The following CHCHD4 variants were observed in gnomAD, a reference collection of about 807,000 sequenced individuals.
CHCHD4 encodes the protein coiled-coil-helix-coiled-coil-helix domain containing 4.
CHCHD4 carries 7 observed loss-of-function variants against 12.4 expected under a neutral mutation model. The ratio of observed to expected loss-of-function variants is 0.57; its 90% CI spans 0.32 to 1.06. The LOEUF (loss-of-function observed/expected upper bound fraction) is 1.06. Among genes scored for constraint, CHCHD4 ranks in the 50% least tolerant of loss-of-function variants. The pLI, the probability that CHCHD4 is intolerant of heterozygous loss-of-function variation, is 0.04. For synonymous variants in CHCHD4, 56 were observed against 58.0 expected, an observed-to-expected ratio of 0.97 and a Z score of 0.16; for missense variants, 143 against 175.1, an observed-to-expected ratio of 0.82 and a Z score of 1.03.
At position 14,116,476 on chromosome 3, in the gene CHCHD4, C is replaced by T. The variant is rs778231957; in HGVS notation, c.71G>A (p.Ser24Asn). 10 of 1,613,814 alleles carry T rather than the reference C, an allele frequency of 6.2e-6. No individual in the cohort carries two copies. The highest frequency in any genetic ancestry group is 1.1e-5 in the South Asian group (1 of 91,082). Reference protein sequence around the residue: ...FVTKEDHETPSSAELVADDPN... With the variant: ...FVTKEDHETPNSAELVADDPN... ...GTCATCAGCCACCAATTCTGCACTGCTTGGAGTTTCATGATCTTCTTTGGT... is the reference window on the plus strand; with the variant it reads ...GTCATCAGCCACCAATTCTGCACTGTTTGGAGTTTCATGATCTTCTTTGGT... Residue 24 changes from serine to asparagine, a missense_variant, in exon 2 of 3, where the codon AGC (serine) becomes AAC (asparagine). Physicochemically the swap from Ser to Asn is conservative, Grantham distance 46. Coordinates refer to ENST00000396914, the MANE Select transcript of CHCHD4 (RefSeq NM_001098502.2).
At chr3:14,121,694 T>G (rs980134942) in intron 1 of CHCHD4, among the ~76,000 whole-genome samples, 1 of 152,186 alleles carries the variant, frequency 6.6e-6, no homozygotes, top group Non-Finnish European at 1.5e-5. Context: ...AAGAAAGAGA[T>G]CTAAAGCCAG....
chr3:14,124,526 G>C (rs555683287), intron 1 of CHCHD4, 129 bp downstream of exon 1: 1 of 695,488 alleles, frequency 1.4e-6, no homozygotes, highest in African/African-American at 1.9e-5. Context: ...CCGCCTCCGA[G>C]TGTCCCAGGG....
Position 14,116,519 on chromosome 3 carries a change from C to T in CHCHD4, c.28G>A (p.Asp10Asn). 1 of 1,606,916 alleles carries T rather than the reference C, an allele frequency of 6.2e-7. No homozygotes were observed. Among genetic ancestry groups the T allele is most frequent in the Non-Finnish European group, 8.5e-7 (1 of 1,173,368 alleles). Residue 10 changes from aspartate (D) to asparagine (N), a missense_variant, in exon 2 of 3, where the codon GAT (aspartate) becomes AAT (asparagine). Transcript: ENST00000396914. MSYCRQEGK[D>N]RIIFVTKEDH... ...TCTTTGGTTACAAATATGATTCGAT[C>T]CTTCCCTAGTGTTTGGAGAACAGAG...
chr3:14,124,409 C>A (rs1330335615), intron 1 of CHCHD4, among the ~76,000 whole-genome samples: 2 of 152,242 alleles, frequency 1.3e-5, no homozygotes, highest in African/African-American at 4.8e-5. Context: ...GCACAGGCCC[C>A]TCTGAGGTCA....
chr3:14,118,385 A>C (rs1465445057), intron 1 of CHCHD4, among the ~76,000 whole-genome samples: 2 of 152,216 alleles, frequency 1.3e-5, no homozygotes, highest in East Asian at 3.9e-4. Flanking sequence ...GCAAGGAAAA[A>C]GGTTTGGGCC....
At position 14,124,591 on chromosome 3, in the gene CHCHD4, C is replaced by T. The variant is rs151198621; in HGVS notation, c.22+64G>A. The T allele has an allele frequency of 5.5e-3, 7,730 of 1,415,814 alleles. 440 individuals are homozygous for T. The African/African-American group carries it at 0.11, about 19-fold the overall frequency. 87.7% of individuals were successfully genotyped at this position (1,415,814 alleles called of 1,614,324 possible). A position where few individuals can be genotyped will look rare whatever the true frequency, so the allele number is the denominator to read the frequency against. Reference sequence around the variant, plus strand: ...CGCGCCCGGCGTGGTCGCGGGGCGCCGGGGCCCGCGTGTCTCCCGCAGGCC... The same window carrying T: ...CGCGCCCGGCGTGGTCGCGGGGCGCTGGGGCCCGCGTGTCTCCCGCAGGCC... On this transcript the variant is annotated intron_variant, in intron 1 of 2. Coordinates refer to ENST00000396914, the MANE Select transcript of CHCHD4 (RefSeq NM_001098502.2).
intron 2 of CHCHD4, 42 bp downstream of exon 2, chr3:14,116,384 A>C (rs1355502545): frequency 7.7e-7 from 1 of 1,291,770 alleles, no homozygotes; most frequent in Non-Finnish European, 1.1e-6. Context: ...GCTTCTCCCC[A>C]GTGCCCTGGT....
Position 14,124,726 on chromosome 3 carries a change from G to T in CHCHD4, c.-50C>A. 2 of 1,503,528 alleles carry T rather than the reference G, an allele frequency of 1.3e-6. No individual in the cohort carries two copies. Among genetic ancestry groups the T allele is most frequent in the Non-Finnish European group, 1.8e-6 (2 of 1,126,770 alleles). The allele number at this position is 1,503,528 out of a possible 1,614,324, so 93.1% of individuals were successfully genotyped here. ...TGCAGAAGCGGCGGTGGCGGCAGCT[G>T]CACCTTTACGCCGTGACCTCCCTCT... On this transcript the variant is annotated 5_prime_UTR_variant, in exon 1 of 3. Transcript: ENST00000396914.
chr3:14,120,756 G>A lies in CHCHD4; in HGVS notation c.22+3899C>T, dbSNP rs1056619271. On this transcript the variant is annotated intron_variant, in intron 1 of 2. Transcript: ENST00000396914. ...GTGTTCAATATTTGTTGAAAAAAAT[G>A]AATGGAGAAACAACTCTGGATTAGG... Among the ~76,000 whole-genome samples, 19 of 152,176 alleles carry A rather than the reference G, an allele frequency of 1.2e-4. 1 individual carries two copies. Among genetic ancestry groups the A allele is most frequent in the Admixed American group, 9.2e-4 (14 of 15,280 alleles).
Position 14,112,213 on chromosome 3 carries a change from T to C in CHCHD4, c.*674A>G, listed in dbSNP as rs548367077. 8.5e-5 allele frequency: 13 copies of C among 152,204 alleles called. No homozygotes were observed. Among genetic ancestry groups the C allele is most frequent in the Non-Finnish European group, 1.8e-4 (12 of 68,046 alleles). The allele number at this position is 152,204 out of a possible 1,614,324, so 9.4% of individuals were successfully genotyped here. ...ACTAGACTGAGAGCCAGTGTGAACATGGGCCCCAAACCAGGGCTTTCGGAA... is the reference window on the plus strand; with the variant it reads ...ACTAGACTGAGAGCCAGTGTGAACACGGGCCCCAAACCAGGGCTTTCGGAA... On this transcript the variant is annotated 3_prime_UTR_variant, in exon 3 of 3. Transcript: ENST00000396914.
rs149085188 is a variant in CHCHD4, at chr3:14,117,824, T to C, written c.23-1300A>G. 3.9e-3 allele frequency among the ~76,000 whole-genome samples: 591 copies of C among 152,306 alleles called. 4 individuals carry two copies. Among genetic ancestry groups the C allele is most frequent in the African/African-American group, 0.014 (564 of 41,568 alleles). The stretch of plus-strand genomic sequence containing the variant: ...ACTTGCTGGGCCACACAGGACAGGA[T>C]GCTCTGAAGTCTACACTGTTGGAGA... On this transcript the variant is annotated intron_variant, in intron 1 of 2. Coordinates refer to ENST00000396914, the MANE Select transcript of CHCHD4 (RefSeq NM_001098502.2).
At chr3:14,115,258 C>G (rs1307658418) in intron 2 of CHCHD4, among the ~76,000 whole-genome samples, 3 of 149,626 alleles carry the variant, frequency 2.0e-5, no homozygotes, top group African/African-American at 7.7e-5. Flanking sequence ...TTGCAAGTGA[C>G]AGAAGCAGGT....
At chr3:14,115,386 T>G (rs1447430920) in intron 2 of CHCHD4, among the ~76,000 whole-genome samples, 2 of 152,232 alleles carry the variant, frequency 1.3e-5, no homozygotes, top group African/African-American at 2.4e-5. Flanking sequence ...AGGCCCGATT[T>G]GTCCTGCAGG....
At chr3:14,114,661 TA>T in intron 2 of CHCHD4, among the ~76,000 whole-genome samples, 1 of 152,184 alleles carries the variant, frequency 6.6e-6, no homozygotes, top group East Asian at 1.9e-4. Flanking sequence ...GGTGGTTGAT[TA>T]AAAAAAATCA....
Position 14,112,537 on chromosome 3 carries a change from T to G in CHCHD4, c.*350A>C, listed in dbSNP as rs573372356. ...GGTATAAAATCTACCAAAAGGAATA[T>G]AATGAATCAGAATAAATCAGCTCAC... is the stretch of plus-strand genomic sequence containing the variant. On this transcript the variant is annotated 3_prime_UTR_variant, in exon 3 of 3. Transcript: ENST00000396914. 5.1e-6 allele frequency: 1 copy of G among 197,106 alleles called. No homozygotes were observed. Among genetic ancestry groups the G allele is most frequent in the South Asian group, 1.5e-4 (1 of 6,768 alleles). 12.2% of individuals were successfully genotyped at this position (197,106 alleles called of 1,614,324 possible).
chr3:14,123,842 C>T lies in CHCHD4; in HGVS notation c.22+813G>A, dbSNP rs114784892. Among the ~76,000 whole-genome samples the T allele has an allele frequency of 2.8e-3, 422 of 152,258 alleles. 1 individual carries two copies. The highest frequency in any genetic ancestry group is 2.5e-3 in the Non-Finnish European group (170 of 68,016). ...TGGGGAGGCCCTCCGACCTGTGGCT[C>T]GGGTACTTCTGAGCTCTTGGGTAGA... On this transcript the variant is annotated intron_variant, in intron 1 of 2. Transcript: ENST00000396914.
intron 1 of CHCHD4, among the ~76,000 whole-genome samples, chr3:14,119,525 G>T (rs1428171334): frequency 6.7e-6 from 1 of 150,230 alleles, no homozygotes; most frequent in East Asian, 2.0e-4. Flanking sequence ...TGAAAGAAAG[G>T]ACTGGTCAGA....
chr3:14,114,682 A>G (rs975376114), intron 2 of CHCHD4, among the ~76,000 whole-genome samples: 13 of 152,224 alleles, frequency 8.5e-5, no homozygotes, highest in Admixed American at 5.2e-4. Context: ...ATAACAAAAA[A>G]TGTATAACCT....
chr3:14,115,213 C>T (rs917951234), intron 2 of CHCHD4, among the ~76,000 whole-genome samples: 4 of 152,086 alleles, frequency 2.6e-5, no homozygotes, highest in Admixed American at 6.6e-5. Flanking sequence ...AAGCCAAATG[C>T]ATCATATGGT....
Sources: gnomAD v4.1 joint callset for allele counts (sites outside exome capture counted in the v4.1 genomes callset) on GRCh38, gnomAD v4.1.1 for gene constraint, MANE v1.5 for transcripts, NCBI Gene and HGNC (gene_info 2026-07-23, HGNC 2026-07-21) for gene names.